The following TRIM50 variants were observed in gnomAD, a reference collection of about 807,000 sequenced individuals.
TRIM50 encodes E3 ubiquitin-protein ligase TRIM50.
TRIM50 carries 34 observed loss-of-function variants against 44.9 expected under a neutral mutation model. The observed-to-expected ratio is 0.76, with a 90% confidence interval of 0.58 to 1.01. The LOEUF (loss-of-function observed/expected upper bound fraction) is 1.01. Among genes scored for constraint, TRIM50 ranks in the 50% least tolerant of loss-of-function variants. The pLI is 0.00. For synonymous variants in TRIM50, 307 were observed against 291.1 expected, an observed-to-expected ratio of 1.05 and a Z score of -0.56; for missense variants, 633 against 663.7, an observed-to-expected ratio of 0.95 and a Z score of 0.51.
At chr7:73,321,745 A>G (rs1554545067) in intron 2 of TRIM50, among the ~76,000 whole-genome samples, 1 of 152,098 alleles carries the variant, frequency 6.6e-6, no homozygotes. Context: ...GGCTTTCAGG[A>G]AGGGAGTTGC....
At chr7:73,318,191 T>C (rs1303674194) in intron 5 of TRIM50, among the ~76,000 whole-genome samples, 1 of 152,184 alleles carries the variant, frequency 6.6e-6, no homozygotes, top group Non-Finnish European at 1.5e-5. Flanking sequence ...TGCAGTAGCA[T>C]GGTCACGACT....
At chr7:73,321,453 C>T (rs534461906) in intron 2 of TRIM50, among the ~76,000 whole-genome samples, 17 of 152,282 alleles carry the variant, frequency 1.1e-4, no homozygotes, top group Non-Finnish European at 1.9e-4. Context: ...GGTGCTCACA[C>T]GGGCCTGGGT....
At chr7:73,314,731 T>C (rs1179280255) in intron 6 of TRIM50, 3 of 203,800 alleles carry the variant, frequency 1.5e-5, no homozygotes, top group African/African-American at 7.2e-5. Flanking sequence ...ACGCCTATAG[T>C]CCCAACTACT....
At chr7:73,327,163 G>T (rs1804653361) in intron 1 of TRIM50, among the ~76,000 whole-genome samples, 1 of 151,526 alleles carries the variant, frequency 6.6e-6, no homozygotes. Context: ...AATTTCATGT[G>T]TTGGAAACTT....
chr7:73,325,014 A>ATGTGTGTGTGTGTGTGTGTGTGTG (rs3040867), intron 1 of TRIM50, among the ~76,000 whole-genome samples: 1 of 141,948 alleles, frequency 7.0e-6, no homozygotes, highest in Non-Finnish European at 1.5e-5. Context: ...CCTTGAAGAT[A>ATGTGTGTGTGTGTGTGTGTGTGTG]TGTGTGTGTG....
rs1305379780 is a variant in TRIM50 at position 73,312,915 on chromosome 7, G to C, written c.*6C>G. 6.6e-7 allele frequency: 1 copy of C among 1,525,094 alleles called. No individual in the cohort carries two copies. The highest frequency in any genetic ancestry group is 8.8e-7 in the Non-Finnish European group (1 of 1,136,328). The allele number at this position is 1,525,094 out of a possible 1,614,324, so 94.5% of individuals were successfully genotyped here. ...GGCCTGTGGGCCGGCAGGACTCCGG[G>C]CGGCCCTACAGCTTGGTGGGCTGCT... On this transcript the variant is annotated 3_prime_UTR_variant, in exon 7 of 7. Transcript: ENST00000333149.
intron 6 of TRIM50, among the ~76,000 whole-genome samples, 172 bp downstream of exon 6, chr7:73,316,393 A>G (rs117818950): frequency 6.6e-6 from 1 of 152,216 alleles, no homozygotes; most frequent in East Asian, 1.9e-4. Flanking sequence ...AGGAAAGGAA[A>G]GAGTAAGCAG....
At chr7:73,316,493 C>T in intron 6 of TRIM50, 72 bp downstream of exon 6, 1 of 1,588,272 alleles carries the variant, frequency 6.3e-7, no homozygotes, top group Admixed American at 1.7e-5. Context: ...TATTATCTCT[C>T]TGATACAATC....
In TRIM50 at chr7:73,328,057, C is replaced by G; in HGVS notation, c.-176G>C. 1 of 802,676 alleles carries G rather than the reference C, an allele frequency of 1.2e-6. No individual in the cohort carries two copies. Among genetic ancestry groups the G allele is most frequent in the Non-Finnish European group, 2.0e-6 (1 of 502,342 alleles). The allele number at this position is 802,676 out of a possible 1,614,324, so 49.7% of individuals were successfully genotyped here. On this transcript the variant is annotated 5_prime_UTR_variant, in exon 1 of 7. The change abolishes the stop of an existing upstream ORF in the 5' untranslated region. Transcript: ENST00000333149. ...CTATGGTTACATGCCCCGCCTCGCG[C>G]TACCGCGCGTGCCCCATCATGCTCT...
chr7:73,324,904 G>A (rs1804589093), intron 1 of TRIM50, 99 bp from the exon 2 acceptor site: 4 of 1,544,808 alleles, frequency 2.6e-6, no homozygotes, highest in Non-Finnish European at 1.7e-6. Context: ...GAATTTTAGA[G>A]GAAACACTTT....
chr7:73,318,626 A>G, intron 5 of TRIM50, 61 bp downstream of exon 5: 4 of 1,612,008 alleles, frequency 2.5e-6, no homozygotes, highest in Non-Finnish European at 3.4e-6. Flanking sequence ...GAACCAGTGG[A>G]GCTGAGATGC....
At chr7:73,321,834 G>A (rs1268658098) in intron 2 of TRIM50, 1 of 152,130 alleles carries the variant, frequency 6.6e-6, no homozygotes, top group African/African-American at 2.4e-5. Flanking sequence ...ATTTCACAGC[G>A]GCCCAAGAAC....
chr7:73,322,888 C>T (rs1238336578), intron 2 of TRIM50, among the ~76,000 whole-genome samples: 4 of 152,192 alleles, frequency 2.6e-5, no homozygotes, highest in African/African-American at 7.2e-5. Context: ...GCACACCCCT[C>T]GACCCGACTG....
Position 73,318,789 on chromosome 7 carries a change from G to A in TRIM50, c.726+33C>T, listed in dbSNP as rs569295101. 7.4e-6 allele frequency: 12 copies of A among 1,613,828 alleles called. No homozygotes were observed. In the Admixed American group the frequency reaches 1.7e-4, roughly 22 times the overall value. ...GTTGGGAAGGGGAAGGCCCTGGCGG[G>A]TATGGGGATGGGACGCCTCCCTGTC... On this transcript the variant is annotated intron_variant, in intron 4 of 6. Transcript: ENST00000333149.
intron 2 of TRIM50, among the ~76,000 whole-genome samples, chr7:73,321,594 G>A (rs558520243): frequency 6.6e-6 from 1 of 152,150 alleles, no homozygotes; most frequent in Non-Finnish European, 1.5e-5. Context: ...CCCCAAACCT[G>A]ACCTAGCCTT....
intron 5 of TRIM50, among the ~76,000 whole-genome samples, chr7:73,317,959 C>T (rs1367323935): frequency 6.6e-6 from 1 of 152,186 alleles, no homozygotes; most frequent in Admixed American, 6.5e-5. Flanking sequence ...TGGTGATATC[C>T]TGCCTTACAC....
intron 2 of TRIM50, among the ~76,000 whole-genome samples, chr7:73,321,554 C>T (rs1407528009): frequency 6.6e-6 from 1 of 152,154 alleles, no homozygotes; most frequent in Non-Finnish European, 1.5e-5. Context: ...CCCAAGCTGA[C>T]ATAAATGCAC....
intron 1 of TRIM50, among the ~76,000 whole-genome samples, chr7:73,325,011 GAT>G (rs1491222640): frequency 2.9e-4 from 32 of 110,814 alleles, no homozygotes; most frequent in Non-Finnish European, 4.9e-4. Flanking sequence ...GTCCCTTGAA[GAT>G]ATGTGTGTGT....
At position 73,313,374 on chromosome 7, in the gene TRIM50, G is replaced by T. The variant is rs782670160; in HGVS notation, c.1011C>A (p.Cys337Ter). 9.4e-6 allele frequency: 15 copies of T among 1,594,654 alleles called. No homozygotes were observed. Among genetic ancestry groups the T allele is most frequent in the South Asian group, 7.9e-5 (7 of 88,376 alleles). The stretch of plus-strand genomic sequence containing the variant: ...AGGAGAAGCCGCGGCTGGCCAGGAC[G>T]CAGGTGCTGTAGTCGAAGCGCTCAG... ...SQPERFDYST[C>*]VLASRGFSCG... The change falls in exon 7 of 7, where the codon TGC (cysteine) becomes TGA (stop). Residue 337 changes from cysteine to a stop codon, truncating the protein, a stop_gained. Coordinates refer to ENST00000333149, the MANE Select transcript of TRIM50 (RefSeq NM_178125.3). LOFTEE classifies it high-confidence loss of function. This position sits in a 1 kb window ranked among gnomAD's most constrained non-coding sequence, Gnocchi z 4.9.
Sources: allele counts gnomAD v4.1 joint callset (sites outside exome capture counted in the v4.1 genomes callset), GRCh38; gene constraint gnomAD v4.1.1; non-coding constraint Gnocchi (gnomAD v3.1); transcripts MANE v1.5; gene names NCBI Gene and HGNC (gene_info 2026-07-23, HGNC 2026-07-21).